Variants in LINGO1 observed in about 807,000 individuals in gnomAD.
LINGO1 encodes leucine-rich repeat and immunoglobulin-like domain-containing nogo receptor-interacting protein 1.
Under a neutral mutation model 37.3 loss-of-function variants are expected in LINGO1, and 11 were observed. That is an observed-to-expected ratio of 0.29 (90% CI 0.19 to 0.49). LINGO1 has a LOEUF of 0.49. LINGO1 is among the 20% of genes least tolerant of loss of function. The pLI is 0.99. For missense variants in LINGO1, 585 were observed against 878.2 expected, an observed-to-expected ratio of 0.67 and a Z score of 4.22; for synonymous variants, 387 against 403.0, an observed-to-expected ratio of 0.96 and a Z score of 0.48.
chr15:77,732,013 G>C (rs2076158898), intron 2 of LINGO1, among the ~76,000 whole-genome samples: 1 of 152,138 alleles, frequency 6.6e-6, no homozygotes, highest in Non-Finnish European at 1.5e-5. Context: ...ACCAACCACG[G>C]CAATGACAAT....
chr15:77,659,551 T>G (rs1018940576), intron 3 of LINGO1, among the ~76,000 whole-genome samples: 2 of 152,190 alleles, frequency 1.3e-5, no homozygotes, highest in African/African-American at 4.8e-5. Flanking sequence ...GCATGTAGTT[T>G]GCCTGAGACC....
At chr15:77,781,578 C>T (rs1471457616) in intron 1 of LINGO1, among the ~76,000 whole-genome samples, 2 of 152,174 alleles carry the variant, frequency 1.3e-5, no homozygotes, top group Non-Finnish European at 2.9e-5. Flanking sequence ...GGGTGGGAGG[C>T]CCCCCAGTCG....
chr15:77,664,172 C>G (rs62009132), intron 3 of LINGO1, among the ~76,000 whole-genome samples: 2 of 77,590 alleles, frequency 2.6e-5, no homozygotes, highest in South Asian at 8.5e-4. Flanking sequence ...TGTGTGTGTG[C>G]GCGCGCGCAT....
intron 1 of LINGO1, among the ~76,000 whole-genome samples, chr15:77,802,056 G>GGA (rs1415223807): frequency 6.6e-6 from 1 of 152,104 alleles, no homozygotes; most frequent in Non-Finnish European, 1.5e-5. Context: ...CTGCAGGAAG[G>GGA]GAGAGAGAGA....
chr15:77,686,061 G>A (rs2075504986), intron 2 of LINGO1, among the ~76,000 whole-genome samples: 1 of 152,140 alleles, frequency 6.6e-6, no homozygotes, highest in Non-Finnish European at 1.5e-5. Flanking sequence ...GGAGGGCAAT[G>A]GGTGTGAGTG....
chr15:77,807,825 C>A (rs765697730), intron 1 of LINGO1, among the ~76,000 whole-genome samples: 1 of 152,090 alleles, frequency 6.6e-6, no homozygotes, highest in South Asian at 2.1e-4. Context: ...GCGCCCGGCA[C>A]GGAATTTTTC....
rs562141429 is a variant in LINGO1, at chr15:77,632,265, C to T, written c.6+45G>A. 2 of 1,370,068 alleles carry T rather than the reference C, an allele frequency of 1.5e-6. No homozygotes were observed. Among genetic ancestry groups the T allele is most frequent in the East Asian group, 3.1e-5 (1 of 32,528 alleles). The allele number at this position is 1,370,068 out of a possible 1,614,324, so 84.9% of individuals were successfully genotyped here. The stretch of plus-strand genomic sequence containing the variant: ...GATGGCGGCCCCCAGGGGCACTCGC[C>T]GCGGGGCTGCCCGCTCGGGGCTCGG... On this transcript the variant is annotated intron_variant, in intron 1 of 1. Coordinates refer to ENST00000355300, the MANE Select transcript of LINGO1 (RefSeq NM_032808.7). This position sits in a 1 kb window ranked among gnomAD's most constrained non-coding sequence, Gnocchi z 6.0.
intron 1 of LINGO1, among the ~76,000 whole-genome samples, chr15:77,744,101 G>A (rs547895877): frequency 2.0e-5 from 3 of 152,300 alleles, no homozygotes; most frequent in East Asian, 1.9e-4. Context: ...CTCCCCAAAC[G>A]AGGCCTGGAT....
chr15:77,759,375 G>A (rs1282401423), intron 1 of LINGO1, among the ~76,000 whole-genome samples: 1 of 152,202 alleles, frequency 6.6e-6, no homozygotes, highest in Non-Finnish European at 1.5e-5. Context: ...GAGGCCAGGG[G>A]CCCGCAACGC....
intron 1 of LINGO1, among the ~76,000 whole-genome samples, chr15:77,623,058 G>A (rs2073973236): frequency 6.6e-6 from 1 of 152,196 alleles, no homozygotes; most frequent in East Asian, 1.9e-4. Context: ...GGCCCTGCCT[G>A]CAGACGCACC....
intron 1 of LINGO1, among the ~76,000 whole-genome samples, chr15:77,626,969 C>T (rs865783279): frequency 7.2e-6 from 1 of 139,220 alleles, no homozygotes; most frequent in African/African-American, 3.1e-5. Context: ...CCCAACCCCC[C>T]ATCCGCAGCC....
chr15:77,782,019 C>T (rs1019386365), intron 1 of LINGO1, among the ~76,000 whole-genome samples: 5 of 152,306 alleles, frequency 3.3e-5, no homozygotes, highest in South Asian at 2.1e-4. Context: ...AATCAACAAG[C>T]GTTCCAGAAT....
At chr15:77,736,095 C>T (rs2076201393) in intron 1 of LINGO1, among the ~76,000 whole-genome samples, 1 of 152,210 alleles carries the variant, frequency 6.6e-6, no homozygotes, top group South Asian at 2.1e-4. Context: ...GTAGAGTAAA[C>T]ACTCTCATTC....
chr15:77,673,380 C>CTTGATT (rs144763801), intron 3 of LINGO1, among the ~76,000 whole-genome samples: 12,152 of 152,194 alleles, frequency 0.08, 662 homozygotes, highest in African/African-American at 0.14. Flanking sequence ...CTAAATCCAC[C>CTTGATT]TGCTCTTGCA....
chr15:77,625,500 T>C (rs1051093918), intron 1 of LINGO1, among the ~76,000 whole-genome samples: 1 of 152,202 alleles, frequency 6.6e-6, no homozygotes, highest in Non-Finnish European at 1.5e-5. Context: ...CCAGAGTCCA[T>C]GCTCTTCATC....
At chr15:77,723,479 C>T (rs1567547988) in intron 2 of LINGO1, among the ~76,000 whole-genome samples, 1 of 152,212 alleles carries the variant, frequency 6.6e-6, no homozygotes, top group Non-Finnish European at 1.5e-5. Context: ...GTGCTTCTGA[C>T]GTGCCCGGCA....
chr15:77,654,987 T>C (rs925716845), intron 3 of LINGO1, among the ~76,000 whole-genome samples: 5 of 152,132 alleles, frequency 3.3e-5, no homozygotes, highest in East Asian at 3.9e-4. Context: ...CTGTTTTCCC[T>C]AGACACACCC....
chr15:77,668,865 T>C (rs1268238020), intron 3 of LINGO1, among the ~76,000 whole-genome samples: 1 of 151,426 alleles, frequency 6.6e-6, no homozygotes, highest in Non-Finnish European at 1.5e-5. Context: ...AACTGGGTTC[T>C]TCCTAGCCCT....
intron 1 of LINGO1, among the ~76,000 whole-genome samples, chr15:77,811,000 G>C (rs564198087): frequency 2.0e-5 from 3 of 151,682 alleles, no homozygotes; most frequent in South Asian, 2.1e-4. Flanking sequence ...TTTCACTTCC[G>C]ATCTGTTCCG....
Sources: allele counts gnomAD v4.1 joint callset (sites outside exome capture counted in the v4.1 genomes callset), GRCh38; gene constraint gnomAD v4.1.1; non-coding constraint Gnocchi (gnomAD v3.1); transcripts MANE v1.5; gene names NCBI Gene and HGNC (gene_info 2026-07-23, HGNC 2026-07-21).